Variants in UGGT2 observed in about 807,000 individuals in gnomAD.
UGGT2 encodes the protein UDP-glucose:glycoprotein glucosyltransferase 2.
In UGGT2, 180 loss-of-function variants were observed where a neutral mutation model predicts 192.1. The observed-to-expected ratio is 0.94, with a 90% CI of 0.83 to 1.06. The LOEUF is 1.06. Among genes scored for constraint, UGGT2 ranks in the 50% least tolerant of loss-of-function variants. The probability of loss-of-function intolerance (pLI) is 0.00; values close to 1 mark genes in which losing one functional copy is unlikely to be tolerated. For missense variants in UGGT2, 1,849 were observed against 1,795.7 expected (o/e 1.03, Z -0.54); for synonymous variants, 580 against 591.0 (o/e 0.98, Z 0.27).
intron 2 of UGGT2, among the ~76,000 whole-genome samples, chr13:96,028,735 G>C (rs1241242144): frequency 6.6e-6 from 1 of 152,180 alleles, no homozygotes. Flanking sequence ...ACTAAGACAT[G>C]CTTTAGTAAA....
chr13:95,862,430 C>T (rs1443884262), intron 31 of UGGT2, among the ~76,000 whole-genome samples: 1 of 152,144 alleles, frequency 6.6e-6, no homozygotes, highest in Non-Finnish European at 1.5e-5. Context: ...CTACAGGAGA[C>T]AGCTTTTGTT....
chr13:95,995,004 G>A (rs2051574128), intron 7 of UGGT2, among the ~76,000 whole-genome samples: 1 of 151,898 alleles, frequency 6.6e-6, no homozygotes, highest in Non-Finnish European at 1.5e-5. Context: ...TTATCCCAGG[G>A]ATACCACCAG....
At position 96,053,289 on chromosome 13, in the gene UGGT2, G is replaced by C; in HGVS notation, c.24C>G (p.Asn8Lys). The C allele has an allele frequency of 1.9e-6, 3 of 1,578,998 alleles. No homozygotes were observed. The highest frequency in any genetic ancestry group is 2.6e-6 in the Non-Finnish European group (3 of 1,171,408). MAPAKAT[N>K]VVRLLLGSTA... Reference sequence around the variant, plus strand: ...TGGAGCCTAGTAGCAGCCGCACCACGTTCGTGGCTTTCGCTGGCGCCATGG... The same window carrying C: ...TGGAGCCTAGTAGCAGCCGCACCACCTTCGTGGCTTTCGCTGGCGCCATGG... Residue 8 changes from asparagine to lysine, a missense_variant, in exon 1 of 39, where the codon AAC becomes AAG. Asn to Lys is a moderately conservative substitution (Grantham distance 94). Coordinates refer to ENST00000376747, the MANE Select transcript of UGGT2 (RefSeq NM_020121.4).
chr13:95,926,271 A>G (rs2049012391), intron 19 of UGGT2, among the ~76,000 whole-genome samples: 2 of 152,158 alleles, frequency 1.3e-5, no homozygotes, highest in African/African-American at 4.8e-5. Context: ...CTCGGATTTA[A>G]TCTACAGCAT....
chr13:96,026,993 T>A (rs968112144), intron 2 of UGGT2, among the ~76,000 whole-genome samples: 2 of 152,126 alleles, frequency 1.3e-5, no homozygotes, highest in African/African-American at 4.8e-5. Flanking sequence ...TTTAACAAAC[T>A]ATAGATGATT....
chr13:95,911,464 C>A (rs2048495050), intron 20 of UGGT2, among the ~76,000 whole-genome samples: 1 of 152,126 alleles, frequency 6.6e-6, no homozygotes, highest in Admixed American at 6.6e-5. Flanking sequence ...CACCTCTACG[C>A]AAATAAACTA....
intron 23 of UGGT2, 105 bp downstream of exon 23, chr13:95,895,075 T>C (rs529202694): frequency 1.0e-5 from 12 of 1,169,734 alleles, no homozygotes; most frequent in Admixed American, 3.1e-5. Flanking sequence ...TGTCTTTTAT[T>C]ATACCTTTAC....
chr13:95,981,905 C>A (rs1001460053), intron 10 of UGGT2, among the ~76,000 whole-genome samples: 5 of 152,184 alleles, frequency 3.3e-5, no homozygotes, highest in Admixed American at 2.6e-4. Flanking sequence ...AGTCCAAATA[C>A]CCATTTAGCC....
chr13:95,830,150 A>C (rs1185163378), intron 38 of UGGT2, among the ~76,000 whole-genome samples: 2 of 152,344 alleles, frequency 1.3e-5, no homozygotes, highest in African/African-American at 4.8e-5. Flanking sequence ...TAAAGACTTA[A>C]ATGTTAGACC....
At chr13:96,011,370 G>A (rs989644913) in intron 5 of UGGT2, among the ~76,000 whole-genome samples, 3 of 151,690 alleles carry the variant, frequency 2.0e-5, no homozygotes, top group African/African-American at 7.3e-5. Context: ...GACATAAAAA[G>A]AATTCTGAAA....
At chr13:95,948,211 TAAGG>T (rs1436925182) in intron 13 of UGGT2, 130 bp from the exon 14 acceptor site, 10 of 470,758 alleles carry the variant, frequency 2.1e-5, no homozygotes, top group Non-Finnish European at 3.5e-5. Flanking sequence ...CTAGCAATTC[TAAGG>T]AATACACACA....
chr13:96,026,010 T>C (rs1040146718), intron 2 of UGGT2, among the ~76,000 whole-genome samples: 2 of 152,080 alleles, frequency 1.3e-5, no homozygotes, highest in Admixed American at 6.6e-5. Context: ...AATATATGTA[T>C]ACTTGTAGAC....
chr13:95,876,555 G>C (rs1035049900), intron 29 of UGGT2, among the ~76,000 whole-genome samples: 3 of 152,168 alleles, frequency 2.0e-5, no homozygotes, highest in African/African-American at 7.2e-5. Flanking sequence ...ACTGGGGTGA[G>C]CATGGTTTTG....
intron 5 of UGGT2, among the ~76,000 whole-genome samples, chr13:96,006,662 C>A (rs7998353): frequency 0.39 from 56,234 of 144,796 alleles, 11,255 homozygotes; most frequent in Middle Eastern, 0.43. Context: ...TTGGTTAACT[C>A]CAAGGCAGGT....
chr13:95,827,846 T>A (rs1028541926), intron 38 of UGGT2, among the ~76,000 whole-genome samples: 1 of 152,110 alleles, frequency 6.6e-6, no homozygotes, highest in Non-Finnish European at 1.5e-5. Flanking sequence ...ATCATAAGGC[T>A]TTTAAGAATT....
chr13:95,931,972 C>A (rs2049295908), intron 17 of UGGT2, among the ~76,000 whole-genome samples: 2 of 152,182 alleles, frequency 1.3e-5, no homozygotes, highest in Non-Finnish European at 2.9e-5. Flanking sequence ...GCAAGGGCCA[C>A]CAGCACATTG....
intron 2 of UGGT2, among the ~76,000 whole-genome samples, chr13:96,031,253 T>C (rs1421770628): frequency 6.6e-6 from 1 of 152,150 alleles, no homozygotes; most frequent in Non-Finnish European, 1.5e-5. Context: ...AAAAATGTAC[T>C]ATTACTAGAT....
intron 20 of UGGT2, among the ~76,000 whole-genome samples, chr13:95,910,210 C>A (rs993064148): frequency 4.6e-5 from 7 of 152,110 alleles, no homozygotes; most frequent in Non-Finnish European, 7.4e-5. Context: ...CAGCAAACAT[C>A]ATAATAACGG....
chr13:95,950,533 C>T (rs1211392519), intron 12 of UGGT2, among the ~76,000 whole-genome samples: 1 of 126,768 alleles, frequency 7.9e-6, no homozygotes, highest in African/African-American at 2.7e-5. Flanking sequence ...CAATTTCTGG[C>T]TCTCACAAAA....
Sources: allele counts gnomAD v4.1 joint callset (sites outside exome capture counted in the v4.1 genomes callset), GRCh38; gene constraint gnomAD v4.1.1; transcripts MANE v1.5; gene names NCBI Gene and HGNC (gene_info 2026-07-23, HGNC 2026-07-21).